The following MEIS2 variants were observed in gnomAD, a reference collection of about 807,000 sequenced individuals.
The protein encoded by MEIS2 is Meis homeobox 2, also known as homeobox protein Meis2.
MEIS2 carries 9 observed loss-of-function variants against 58.6 expected under a neutral mutation model. That is an observed-to-expected ratio of 0.15 (90% CI 0.09 to 0.27). The LOEUF (loss-of-function observed/expected upper bound fraction) is 0.27. Among genes scored for constraint, MEIS2 ranks in the 10% least tolerant of loss-of-function variants. The probability of loss-of-function intolerance (pLI) is 1.00; values close to 1 mark genes in which losing one functional copy is unlikely to be tolerated. For synonymous variants in MEIS2, 221 were observed against 228.4 expected (o/e 0.97, Z 0.29); for missense variants, 427 against 635.0 (o/e 0.67, Z 3.52).
At chr15:36,894,942 T>C in intron 11 of MEIS2, 2 of 952,466 alleles carry the variant, frequency 2.1e-6, no homozygotes, top group South Asian at 2.7e-5. Flanking sequence ...AAAGGATGTG[T>C]ATGGGGCAGA....
intron 9 of MEIS2, among the ~76,000 whole-genome samples, chr15:36,911,131 C>G (rs1163134508): frequency 6.6e-6 from 1 of 151,356 alleles, no homozygotes; most frequent in Non-Finnish European, 1.5e-5. Context: ...TTTTCTCTAC[C>G]TTTTCCTTTC....
intron 8 of MEIS2, among the ~76,000 whole-genome samples, chr15:37,023,103 T>G (rs1007749620): frequency 2.0e-5 from 3 of 152,230 alleles, no homozygotes; most frequent in Non-Finnish European, 4.4e-5. Context: ...CAAAAGCTCT[T>G]AATTTTCAAA....
intron 8 of MEIS2, among the ~76,000 whole-genome samples, chr15:36,969,091 G>A (rs935477501): frequency 1.3e-5 from 2 of 152,180 alleles, no homozygotes; most frequent in Non-Finnish European, 2.9e-5. Flanking sequence ...GTGGTAGCAA[G>A]TATTTTAAGC....
chr15:37,082,386 C>T (rs954009163), intron 7 of MEIS2, among the ~76,000 whole-genome samples: 2 of 152,012 alleles, frequency 1.3e-5, no homozygotes, highest in African/African-American at 4.8e-5. Context: ...ATACATTTCA[C>T]CCTTTGTGTC....
chr15:37,090,675 G>A lies in MEIS2; in HGVS notation c.639+2906C>T, dbSNP rs528703052. Among the ~76,000 whole-genome samples, 11 of 151,536 alleles carry A rather than the reference G, an allele frequency of 7.3e-5. No individual in the cohort carries two copies. In the South Asian group the frequency reaches 2.3e-3, roughly 32 times the overall value. On this transcript the variant is annotated intron_variant, in intron 6 of 11. Coordinates refer to ENST00000561208, the MANE Select transcript of MEIS2 (RefSeq NM_170675.5). ...CTTCCTTAAACATGCACACACACGA[G>A]TATGCACACACACACACAATGAAGC...
chr15:36,902,682 G>A (rs1270075961), intron 9 of MEIS2, among the ~76,000 whole-genome samples: 1 of 152,140 alleles, frequency 6.6e-6, no homozygotes, highest in East Asian at 1.9e-4. Flanking sequence ...CTTAAGAATA[G>A]AAACTTGCAA....
rs982596849 is a variant in MEIS2 at position 36,890,440 on chromosome 15, C to T, written c.*1733G>A. On this transcript the variant is annotated 3_prime_UTR_variant, in exon 12 of 12. Transcript: ENST00000561208. ...GTTATCAAATCATCACACTAGCATC[C>T]CTGCACATGGATGTGTCTGAAATAA... 6 of 151,980 alleles carry T rather than the reference C, an allele frequency of 3.9e-5. No individual in the cohort carries two copies. Among genetic ancestry groups the T allele is most frequent in the Admixed American group, 6.5e-5 (1 of 15,272 alleles). 9.4% of individuals were successfully genotyped at this position (151,980 alleles called of 1,614,324 possible).
chr15:37,024,110 T>C (rs1236410747), intron 8 of MEIS2, among the ~76,000 whole-genome samples: 1 of 151,720 alleles, frequency 6.6e-6, no homozygotes. Context: ...GTTGGCCAGG[T>C]TGGTCTTGAA....
chr15:36,969,930 T>C (rs957347016), intron 8 of MEIS2, among the ~76,000 whole-genome samples: 1 of 152,048 alleles, frequency 6.6e-6, no homozygotes, highest in East Asian at 1.9e-4. Flanking sequence ...AGTACAGATA[T>C]AAGAAAACTA....
At chr15:36,976,296 G>A (rs1420759503) in intron 8 of MEIS2, among the ~76,000 whole-genome samples, 3 of 151,858 alleles carry the variant, frequency 2.0e-5, no homozygotes, top group South Asian at 4.1e-4. Context: ...ATGTTGGCCA[G>A]GCTGGTCTCG....
chr15:36,990,060 T>C (rs1166207927), intron 8 of MEIS2, among the ~76,000 whole-genome samples: 1 of 152,122 alleles, frequency 6.6e-6, no homozygotes, highest in African/African-American at 2.4e-5. Flanking sequence ...TTCTCCTGCC[T>C]CAGCCTCCCA....
chr15:37,099,615 G>GA lies in MEIS2; in HGVS notation c.-150dup. 1 of 1,132,136 alleles carries GA rather than the reference G, an allele frequency of 8.8e-7. No individual in the cohort carries two copies. The highest frequency in any genetic ancestry group is 2.9e-5 in the Admixed American group (1 of 34,534). The allele number at this position is 1,132,136 out of a possible 1,614,324, so 70.1% of individuals were successfully genotyped here. On this transcript the variant is annotated 5_prime_UTR_variant, in exon 1 of 12. Coordinates refer to ENST00000561208, the MANE Select transcript of MEIS2 (RefSeq NM_170675.5). ...CTCCAATATGCTATTTTTTAGGGGG[G>GA]AAAAAAAGCCCAGTCTAGACAACGA...
chr15:36,937,629 ATTACT>A (rs1229113002), intron 9 of MEIS2, among the ~76,000 whole-genome samples: 2 of 152,188 alleles, frequency 1.3e-5, no homozygotes, highest in Non-Finnish European at 2.9e-5. Context: ...GTTGAAGCAA[ATTACT>A]TTAGAGTGGA....
chr15:36,963,669 C>A (rs1167004202), intron 8 of MEIS2, among the ~76,000 whole-genome samples: 1 of 152,172 alleles, frequency 6.6e-6, no homozygotes, highest in Non-Finnish European at 1.5e-5. Context: ...AATGAATAAA[C>A]CTATCTTCAT....
chr15:36,934,914 T>C lies in MEIS2; in HGVS notation c.977+15410A>G, dbSNP rs1334044504. ...TTGTAAGTTGTTTTAAACTACCATG[T>C]GGGAATGTTAATATTATTCAATTCC... On this transcript the variant is annotated intron_variant, in intron 9 of 11. Coordinates refer to ENST00000561208, the MANE Select transcript of MEIS2 (RefSeq NM_170675.5). 2.0e-5 allele frequency among the ~76,000 whole-genome samples: 3 copies of C among 152,228 alleles called. No individual in the cohort carries two copies. In the East Asian group the frequency reaches 5.8e-4, roughly 29 times the overall value.
chr15:36,999,288 A>G (rs762741641), intron 8 of MEIS2, among the ~76,000 whole-genome samples: 11 of 152,188 alleles, frequency 7.2e-5, no homozygotes, highest in South Asian at 6.2e-4. Flanking sequence ...ACAGCAAGGA[A>G]CCAAACTGAC....
chr15:36,958,394 C>G (rs548993929), intron 8 of MEIS2, among the ~76,000 whole-genome samples: 94 of 151,878 alleles, frequency 6.2e-4, no homozygotes, highest in African/African-American at 2.1e-3. Flanking sequence ...AAGTTAATGA[C>G]TAAAAGGAAA....
At chr15:37,067,836 T>C (rs570370025) in intron 7 of MEIS2, among the ~76,000 whole-genome samples, 13 of 152,258 alleles carry the variant, frequency 8.5e-5, no homozygotes, top group African/African-American at 2.9e-4. Context: ...TAAGAAATCA[T>C]ATTATACTGT....
At chr15:37,021,229 C>T (rs912471551) in intron 8 of MEIS2, among the ~76,000 whole-genome samples, 4 of 152,236 alleles carry the variant, frequency 2.6e-5, no homozygotes, top group African/African-American at 7.2e-5. Context: ...GGACAAGAAA[C>T]TAGACTGTTC....
Sources: gnomAD v4.1 joint callset for allele counts (sites outside exome capture counted in the v4.1 genomes callset) on GRCh38, gnomAD v4.1.1 for gene constraint, MANE v1.5 for transcripts, NCBI Gene and HGNC (gene_info 2026-07-23, HGNC 2026-07-21) for gene names.